The following TECPR2 variants were observed in gnomAD, a reference collection of about 807,000 sequenced individuals.
The protein encoded by TECPR2 is tectonin beta-propeller repeat containing 2.
A neutral mutation model predicts 138.1 loss-of-function variants in TECPR2; 65 were observed. The ratio of observed to expected loss-of-function variants is 0.47; its 90% CI spans 0.39 to 0.58. The LOEUF is 0.58. Ranked by LOEUF, TECPR2 falls within the 20% of genes least tolerant of loss-of-function variation. The pLI is 0.00. For missense variants in TECPR2, 1,553 were observed against 1,824.5 expected (o/e 0.85, Z 2.71); for synonymous variants, 746 against 749.8 (o/e 0.99, Z 0.08).
chr14:102,487,446 G>A (rs112626475), intron 17 of TECPR2, among the ~76,000 whole-genome samples: 7 of 152,340 alleles, frequency 4.6e-5, no homozygotes, highest in East Asian at 1.9e-4. Flanking sequence ...GTGTGCGTGC[G>A]CACACGTGTG....
chr14:102,443,563 G>GA lies in TECPR2; in HGVS notation c.2753-79dup. On this transcript the variant is annotated intron_variant, in intron 11 of 19. Transcript: ENST00000359520. This position sits in a 1 kb window ranked among gnomAD's most constrained non-coding sequence, Gnocchi z 4.9. ...AGAATATAGCAAAATACCAAAAAAGGAAAAATAAGCCAATAACCAAGTCAA... is the reference window on the plus strand; with the variant it reads ...AGAATATAGCAAAATACCAAAAAAGGAAAAAATAAGCCAATAACCAAGTCAA... 2 of 1,293,792 alleles carry GA rather than the reference G, an allele frequency of 1.5e-6. No homozygotes were observed. Among genetic ancestry groups the GA allele is most frequent in the Non-Finnish European group, 2.0e-6 (2 of 999,292 alleles). The allele number at this position is 1,293,792 out of a possible 1,614,324, so 80.1% of individuals were successfully genotyped here. A position where few individuals can be genotyped will look rare whatever the true frequency, so the allele number is the denominator to read the frequency against.
At chr14:102,493,716 C>T (rs1891208114) in intron 17 of TECPR2, among the ~76,000 whole-genome samples, 1 of 152,218 alleles carries the variant, frequency 6.6e-6, no homozygotes, top group Non-Finnish European at 1.5e-5. Flanking sequence ...TCCCACAGCC[C>T]TGCTGGCCGC....
At chr14:102,468,315 G>T (rs545659257) in intron 17 of TECPR2, among the ~76,000 whole-genome samples, 1 of 152,166 alleles carries the variant, frequency 6.6e-6, no homozygotes, top group African/African-American at 2.4e-5. Context: ...AGTCTCCTGA[G>T]TAGCTAGGAT....
chr14:102,433,138 T>C (rs1332889426), intron 8 of TECPR2, among the ~76,000 whole-genome samples: 1 of 152,164 alleles, frequency 6.6e-6, no homozygotes, highest in African/African-American at 2.4e-5. Context: ...TTATGTTTAG[T>C]GTTGAATATG....
At chr14:102,454,158 GAA>G (rs1226116175) in intron 16 of TECPR2, among the ~76,000 whole-genome samples, 1 of 106,980 alleles carries the variant, frequency 9.3e-6, no homozygotes. Context: ...TGTCTCAAAA[GAA>G]AAAAAAAAAA....
intron 1 of TECPR2, among the ~76,000 whole-genome samples, chr14:102,373,944 G>C (rs1887573131): frequency 6.6e-6 from 1 of 151,866 alleles, no homozygotes; most frequent in Non-Finnish European, 1.5e-5. Flanking sequence ...ATCCGGGCTT[G>C]GTGGCACACG....
chr14:102,495,115 G>C (rs1376785847), intron 17 of TECPR2, among the ~76,000 whole-genome samples: 1 of 152,206 alleles, frequency 6.6e-6, no homozygotes, highest in African/African-American at 2.4e-5. Flanking sequence ...TTGGGAAGCT[G>C]AGGTGGGAGG....
At chr14:102,382,447 A>G (rs1478898268) in intron 2 of TECPR2, among the ~76,000 whole-genome samples, 1 of 152,258 alleles carries the variant, frequency 6.6e-6, no homozygotes, top group Non-Finnish European at 1.5e-5. Context: ...CGAAGCAGAA[A>G]TGGACAAATC....
At chr14:102,467,071 A>T (rs1890561766) in intron 17 of TECPR2, among the ~76,000 whole-genome samples, 1 of 152,136 alleles carries the variant, frequency 6.6e-6, no homozygotes, top group African/African-American at 2.4e-5. Flanking sequence ...TCACCAGTGG[A>T]TGGACATTTG....
At chr14:102,438,961 G>A (rs1190548) in intron 10 of TECPR2, among the ~76,000 whole-genome samples, 110,844 of 150,980 alleles carry the variant, frequency 0.73, 41,074 homozygotes, top group Middle Eastern at 0.78. Context: ...TCCCAGGTTC[G>A]CACTATTCTC....
At chr14:102,446,466 G>A (rs1014331509) in intron 13 of TECPR2, among the ~76,000 whole-genome samples, 2 of 151,982 alleles carry the variant, frequency 1.3e-5, no homozygotes, top group African/African-American at 4.8e-5. Flanking sequence ...GGACATGGTG[G>A]CACACGCCGT....
At chr14:102,407,236 G>A in intron 2 of TECPR2, 102 bp from the exon 3 acceptor site, 2 of 1,413,166 alleles carry the variant, frequency 1.4e-6, no homozygotes, top group Non-Finnish European at 1.9e-6. Context: ...TGTATGGACT[G>A]CAGCCTGATG....
chr14:102,390,142 C>G (rs909487167), intron 2 of TECPR2, among the ~76,000 whole-genome samples: 3 of 152,162 alleles, frequency 2.0e-5, no homozygotes, highest in Non-Finnish European at 2.9e-5. Context: ...CTTCAGTTCC[C>G]ATGAACCTGC....
At chr14:102,429,377 T>C (rs1309942050) in intron 7 of TECPR2, among the ~76,000 whole-genome samples, 1 of 152,198 alleles carries the variant, frequency 6.6e-6, no homozygotes, top group East Asian at 1.9e-4. Flanking sequence ...GCATAGAGTT[T>C]TAGAATATTT....
intron 2 of TECPR2, among the ~76,000 whole-genome samples, chr14:102,390,720 T>TA (rs1483705009): frequency 1.3e-5 from 2 of 152,040 alleles, no homozygotes; most frequent in Non-Finnish European, 2.9e-5. Context: ...ATCTAACACT[T>TA]ACAGTGGTTT....
At chr14:102,389,540 A>G (rs35570544) in intron 2 of TECPR2, among the ~76,000 whole-genome samples, 4,835 of 152,320 alleles carry the variant, frequency 0.032, 90 homozygotes, top group Non-Finnish European at 0.045. Context: ...CAGAAGACCA[A>G]CATGTATATG....
At position 102,408,534 on chromosome 14, in the gene TECPR2, C is replaced by G; in HGVS notation, c.395C>G (p.Ala132Gly). 1 of 1,613,004 alleles carries G rather than the reference C, an allele frequency of 6.2e-7. No individual in the cohort carries two copies. The highest frequency in any genetic ancestry group is 8.5e-7 in the Non-Finnish European group (1 of 1,179,708). ...GGTATTCACAAAAATAGCATTACAG[C>G]TCTGGCTTGGAGCCCCAATGGAATG... Reference protein sequence around the residue: ...VTGIHKNSITALAWSPNGMKL... With the variant: ...VTGIHKNSITGLAWSPNGMKL... The change falls in exon 4 of 20, where the codon GCT (alanine) becomes GGT (glycine). Residue 132 changes from alanine (A) to glycine (G), a missense_variant. Coordinates refer to ENST00000359520, the MANE Select transcript of TECPR2 (RefSeq NM_014844.5).
chr14:102,374,018 G>A (rs1181832290), intron 1 of TECPR2, among the ~76,000 whole-genome samples: 1 of 149,458 alleles, frequency 6.7e-6, no homozygotes, highest in Non-Finnish European at 1.5e-5. Flanking sequence ...GTTGCAGTGA[G>A]CCGAGATCGC....
In TECPR2 at chr14:102,431,182, C is replaced by T. The variant is rs1368241569; in HGVS notation, c.1085-614C>T. Among the ~76,000 whole-genome samples the T allele has an allele frequency of 6.0e-5, 9 of 149,308 alleles. No homozygotes were observed. In the East Asian group the frequency reaches 1.4e-3, roughly 23 times the overall value. On this transcript the variant is annotated intron_variant, in intron 7 of 19. Transcript: ENST00000359520. ...GGGACTATGGGCGTGCACCACCACA[C>T]CCTGCTAAATTTTGAGACTCCGTCT...
Sources: gnomAD v4.1 joint callset for allele counts (sites outside exome capture counted in the v4.1 genomes callset) on GRCh38, gnomAD v4.1.1 for gene constraint, Gnocchi (gnomAD v3.1) non-coding constraint, MANE v1.5 for transcripts, NCBI Gene and HGNC (gene_info 2026-07-23, HGNC 2026-07-21) for gene names.